NAALADL2: variants seen among roughly 807,000 people sequenced by gnomAD.
NAALADL2 encodes the protein N-acetylated alpha-linked acidic dipeptidase like 2, also known as inactive N-acetylated-alpha-linked acidic dipeptidase-like protein 2.
In NAALADL2, 76 loss-of-function variants were observed where a neutral mutation model predicts 87.2. The ratio of observed to expected loss-of-function variants is 0.87; its 90% CI spans 0.72 to 1.05. NAALADL2 has a LOEUF of 1.05. Among genes scored for constraint, NAALADL2 ranks in the 50% least tolerant of loss-of-function variants. NAALADL2 has a pLI of 0.00. For missense variants in NAALADL2, 1,089 were observed against 945.8 expected (o/e 1.15, Z -1.99); for synonymous variants, 354 against 331.0 (o/e 1.07, Z -0.75).
At chr3:175,401,846 C>T (rs1044972532) in intron 5 of NAALADL2, among the ~76,000 whole-genome samples, 5 of 151,994 alleles carry the variant, frequency 3.3e-5, no homozygotes, top group Non-Finnish European at 5.9e-5. Flanking sequence ...CGCTATTTTT[C>T]GGTGAAGCTC....
At chr3:174,676,724 G>T (rs1327881256) in intron 2 of NAALADL2, among the ~76,000 whole-genome samples, 1 of 151,662 alleles carries the variant, frequency 6.6e-6, no homozygotes, top group Non-Finnish European at 1.5e-5. Flanking sequence ...TATATTTATT[G>T]TCATTATCTT....
At chr3:175,692,845 C>T (rs955684562) in intron 11 of NAALADL2, among the ~76,000 whole-genome samples, 7 of 152,052 alleles carry the variant, frequency 4.6e-5, no homozygotes, top group Admixed American at 3.9e-4. Flanking sequence ...ATGTTGAAGT[C>T]AGTTTATTTT....
chr3:174,913,857 T>C (rs1051154034), intron 1 of NAALADL2, among the ~76,000 whole-genome samples: 2 of 152,030 alleles, frequency 1.3e-5, no homozygotes, highest in Non-Finnish European at 2.9e-5. Flanking sequence ...CCCAATACAA[T>C]AAAAATATAA....
chr3:175,398,674 G>A (rs1365482939), intron 5 of NAALADL2, among the ~76,000 whole-genome samples: 3 of 152,020 alleles, frequency 2.0e-5, no homozygotes, highest in Non-Finnish European at 4.4e-5. Context: ...TATACCCCTG[G>A]AGGAGAGTGC....
intron 1 of NAALADL2, among the ~76,000 whole-genome samples, chr3:174,462,757 CTA>C (rs1192278628): frequency 1.3e-5 from 2 of 152,066 alleles, no homozygotes; most frequent in Non-Finnish European, 2.9e-5. Flanking sequence ...CAGCGACTAG[CTA>C]AAGTAAGCCA....
At chr3:175,794,976 C>CT (rs1753280761) in intron 13 of NAALADL2, among the ~76,000 whole-genome samples, 2 of 152,324 alleles carry the variant, frequency 1.3e-5, no homozygotes, top group Admixed American at 6.5e-5. Context: ...CAGTGGCTGC[C>CT]TTCCTGCTGC....
intron 1 of NAALADL2, among the ~76,000 whole-genome samples, chr3:175,017,815 G>GA (rs1389220838): frequency 6.6e-6 from 1 of 152,012 alleles, no homozygotes; most frequent in Non-Finnish European, 1.5e-5. Flanking sequence ...TCAGAAGAAA[G>GA]AAAAAATCAG....
intron 4 of NAALADL2, among the ~76,000 whole-genome samples, chr3:175,268,031 T>C (rs146789243): frequency 3.8e-4 from 58 of 152,306 alleles, no homozygotes; most frequent in African/African-American, 1.4e-3. Flanking sequence ...CTGAAGGTGT[T>C]TTAAAACATA....
At chr3:174,936,483 G>T (rs896739025) in intron 1 of NAALADL2, among the ~76,000 whole-genome samples, 8 of 152,016 alleles carry the variant, frequency 5.3e-5, no homozygotes. Flanking sequence ...TGAGAATCAA[G>T]CAGCCATAAT....
At chr3:175,557,917 G>A (rs369487617) in intron 9 of NAALADL2, among the ~76,000 whole-genome samples, 2 of 152,020 alleles carry the variant, frequency 1.3e-5, no homozygotes, top group African/African-American at 2.4e-5. Flanking sequence ...AATCAGGGCC[G>A]GGCGCGGTGG....
chr3:175,775,678 T>C (rs1350171742), intron 13 of NAALADL2, among the ~76,000 whole-genome samples: 1 of 152,118 alleles, frequency 6.6e-6, no homozygotes, highest in African/African-American at 2.4e-5. Context: ...CATCTAAGTC[T>C]GTGATCATGG....
chr3:175,598,947 C>A (rs1379547499), intron 10 of NAALADL2, among the ~76,000 whole-genome samples: 1 of 152,150 alleles, frequency 6.6e-6, no homozygotes, highest in Non-Finnish European at 1.5e-5. Context: ...CAATGTTTTA[C>A]AAGTTGAAAC....
chr3:174,778,116 A>G (rs1715442334), intron 3 of NAALADL2, among the ~76,000 whole-genome samples: 1 of 152,040 alleles, frequency 6.6e-6, no homozygotes, highest in Non-Finnish European at 1.5e-5. Flanking sequence ...AAGTAGAGAG[A>G]CATTCTAGAC....
chr3:174,779,318 T>TG (rs1176613969), intron 3 of NAALADL2, among the ~76,000 whole-genome samples: 6 of 137,756 alleles, frequency 4.4e-5, no homozygotes, highest in African/African-American at 7.8e-5. Flanking sequence ...CCACTTTTGA[T>TG]GGGGTTGTTT....
rs562730659 is a variant in NAALADL2, at chr3:174,606,834, T to C, written c.-115+56197T>C. ...AATACAGAGAACACCACAAAGATAC[T>C]CCTCGAGAAGAGCAACTCCAAGACA... is the stretch of plus-strand genomic sequence containing the variant. On this transcript the variant is annotated intron_variant, in intron 2 of 3. Transcript: ENST00000434257. Among the ~76,000 whole-genome samples the C allele has an allele frequency of 2.0e-5, 3 of 152,034 alleles. No individual in the cohort carries two copies. The East Asian group carries it at 5.8e-4, about 30-fold the overall frequency.
chr3:174,978,775 C>T lies in NAALADL2; in HGVS notation c.44-118015C>T, dbSNP rs189104720. Among the ~76,000 whole-genome samples the T allele has an allele frequency of 2.4e-3, 368 of 152,176 alleles. 3 individuals carry two copies. The highest frequency in any genetic ancestry group is 3.5e-3 in the Non-Finnish European group (236 of 68,000). On this transcript the variant is annotated intron_variant, in intron 1 of 13. Coordinates refer to ENST00000454872, the MANE Select transcript of NAALADL2 (RefSeq NM_207015.3). ...AGAATATTGTTAAAACATATTATATCAACTAATTCAAATTACATTTTAGAG... is the reference window on the plus strand; with the variant it reads ...AGAATATTGTTAAAACATATTATATTAACTAATTCAAATTACATTTTAGAG...
At chr3:175,158,205 A>C (rs1396005646) in intron 2 of NAALADL2, among the ~76,000 whole-genome samples, 1 of 152,066 alleles carries the variant, frequency 6.6e-6, no homozygotes. Flanking sequence ...CATATTCAAT[A>C]TTCCATATCA....
chr3:175,437,311 C>G (rs1247624849), intron 5 of NAALADL2, among the ~76,000 whole-genome samples: 3 of 144,980 alleles, frequency 2.1e-5, no homozygotes, highest in East Asian at 4.1e-4. Context: ...CAACAACAGA[C>G]AAACAGAGAG....
At chr3:175,528,114 A>C (rs897058571) in intron 9 of NAALADL2, among the ~76,000 whole-genome samples, 1 of 152,110 alleles carries the variant, frequency 6.6e-6, no homozygotes, top group African/African-American at 2.4e-5. Context: ...TCTGAATTAA[A>C]TTATTTGGTG....
Sources: allele counts gnomAD v4.1 joint callset (sites outside exome capture counted in the v4.1 genomes callset), GRCh38; gene constraint gnomAD v4.1.1; transcripts MANE v1.5; gene names NCBI Gene and HGNC (gene_info 2026-07-23, HGNC 2026-07-21).